The following SHROOM3 variants were observed in gnomAD, a reference collection of about 807,000 sequenced individuals.
The protein encoded by SHROOM3 is shroom family member 3, also known as protein Shroom3.
In SHROOM3, 47 loss-of-function variants were observed where a neutral mutation model predicts 138.6. That is an observed-to-expected ratio of 0.34 (90% confidence interval 0.27 to 0.43). SHROOM3 has a LOEUF of 0.43. Among genes scored for constraint, SHROOM3 ranks in the 20% least tolerant of loss-of-function variants. SHROOM3 has a pLI of 1.00. For synonymous variants in SHROOM3, 1,062 were observed against 1,063.3 expected (o/e 1.00, Z 0.02); for missense variants, 2,491 against 2,596.5 (o/e 0.96, Z 0.88).
In SHROOM3 at chr4:76,613,088, G is replaced by C. The variant is rs564936896; in HGVS notation, c.323+57325G>C. Reference sequence around the variant, plus strand: ...GTTATAAAAACAAAACAAAACAGAGGCAGAAGGGAGAATTCCCAGCATAAC... The same window carrying C: ...GTTATAAAAACAAAACAAAACAGAGCCAGAAGGGAGAATTCCCAGCATAAC... On this transcript the variant is annotated intron_variant, in intron 2 of 10. Transcript: ENST00000296043. Among the ~76,000 whole-genome samples the C allele has an allele frequency of 3.9e-5, 6 of 152,264 alleles. No individual in the cohort carries two copies. In the East Asian group the frequency reaches 1.2e-3, roughly 29 times the overall value.
Position 76,586,142 on chromosome 4 carries a change from A to G in SHROOM3, c.323+30379A>G, listed in dbSNP as rs548887078. ...TCTGGCCGAGTGGACTTCCCCTTAC[A>G]TCAGCGGGCCAGCTCCTGTCAGGCA... On this transcript the variant is annotated intron_variant, in intron 2 of 10. Transcript: ENST00000296043. 22 of 609,442 alleles carry G rather than the reference A, an allele frequency of 3.6e-5. No individual in the cohort carries two copies. The African/African-American group carries it at 4.2e-4, about 12-fold the overall frequency. 37.8% of individuals were successfully genotyped at this position (609,442 alleles called of 1,614,324 possible).
intron 1 of SHROOM3, among the ~76,000 whole-genome samples, chr4:76,517,190 T>C (rs529315689): frequency 6.6e-6 from 1 of 152,330 alleles, no homozygotes; most frequent in African/African-American, 2.4e-5. Flanking sequence ...ATGGAAAATG[T>C]CTGCCAGAGG....
chr4:76,744,881 C>A (rs890323204), intron 5 of SHROOM3, among the ~76,000 whole-genome samples: 5 of 152,174 alleles, frequency 3.3e-5, no homozygotes, highest in South Asian at 2.1e-4. Flanking sequence ...ATTAGTGAGG[C>A]CTTTCTGCCT....
intron 2 of SHROOM3, among the ~76,000 whole-genome samples, chr4:76,691,069 A>G (rs1719519969): frequency 6.6e-6 from 1 of 152,206 alleles, no homozygotes; most frequent in South Asian, 2.1e-4. Flanking sequence ...TTGTAAATAC[A>G]TCTCTCTACC....
chr4:76,687,325 A>C (rs1719371282), intron 2 of SHROOM3, among the ~76,000 whole-genome samples: 1 of 152,234 alleles, frequency 6.6e-6, no homozygotes, highest in Non-Finnish European at 1.5e-5. Flanking sequence ...AAAAAGTAAA[A>C]TGCTTTCGAT....
chr4:76,513,471 G>A (rs574882813), intron 1 of SHROOM3, among the ~76,000 whole-genome samples: 2 of 152,120 alleles, frequency 1.3e-5, no homozygotes, highest in South Asian at 2.1e-4. Context: ...CTGCCACCAC[G>A]CCCAGCTAAT....
chr4:76,598,928 T>C (rs985136490), intron 2 of SHROOM3, among the ~76,000 whole-genome samples: 3 of 152,020 alleles, frequency 2.0e-5, no homozygotes, highest in Non-Finnish European at 4.4e-5. Flanking sequence ...GAAAAGAAAC[T>C]AGTGAGAAAA....
intron 5 of SHROOM3, among the ~76,000 whole-genome samples, chr4:76,743,826 C>T (rs1245602408): frequency 1.3e-5 from 2 of 152,182 alleles, no homozygotes; most frequent in African/African-American, 2.4e-5. Context: ...GAGCTAATTC[C>T]CACTCCCTAT....
At chr4:76,647,974 T>C (rs952899343) in intron 2 of SHROOM3, among the ~76,000 whole-genome samples, 1 of 152,118 alleles carries the variant, frequency 6.6e-6, no homozygotes, top group African/African-American at 2.4e-5. Flanking sequence ...CTTTCTTACA[T>C]ATCAGTTTTT....
chr4:76,612,572 T>C (rs907284435), intron 2 of SHROOM3, among the ~76,000 whole-genome samples: 1 of 152,184 alleles, frequency 6.6e-6, no homozygotes, highest in African/African-American at 2.4e-5. Context: ...ATTATTAAAC[T>C]TTCTATACTG....
chr4:76,522,596 C>T (rs1243008367), intron 1 of SHROOM3, among the ~76,000 whole-genome samples: 2 of 152,132 alleles, frequency 1.3e-5, no homozygotes, highest in East Asian at 3.9e-4. Context: ...GAGTTCAAGA[C>T]CAGCCTGGCC....
chr4:76,483,450 C>T (rs1348556446), intron 1 of SHROOM3, among the ~76,000 whole-genome samples: 7 of 152,140 alleles, frequency 4.6e-5, no homozygotes, highest in African/African-American at 1.7e-4. Context: ...CAATGAGATA[C>T]CGTGTCATGC....
rs1221562009 is a variant in SHROOM3, at chr4:76,740,220, G to A, written c.2047G>A (p.Gly683Arg). The change falls in exon 5 of 11, where the codon GGA becomes AGA. Residue 683 changes from glycine (G) to arginine (R), a missense_variant. By Grantham distance (125) the Gly-to-Arg change is moderately radical (BLOSUM62 -2). Coordinates refer to ENST00000296043, the MANE Select transcript of SHROOM3 (RefSeq NM_020859.4). This position sits in a 1 kb window ranked among gnomAD's most constrained non-coding sequence, Gnocchi z 4.0. The part of the protein sequence containing the change: ...RRHSSLELGR[G>R]TQEGYPGGRP... ...ACACAGCAGCCTGGAGCTAGGCCGG[G>A]GAACCCAGGAGGGTTACCCCGGGGG... 3 of 1,613,402 alleles carry A rather than the reference G, an allele frequency of 1.9e-6. No homozygotes were observed. Among genetic ancestry groups the A allele is most frequent in the Non-Finnish European group, 2.5e-6 (3 of 1,180,054 alleles).
At chr4:76,546,743 C>T (rs945439015) in intron 1 of SHROOM3, among the ~76,000 whole-genome samples, 1 of 152,304 alleles carries the variant, frequency 6.6e-6, no homozygotes, top group Admixed American at 6.5e-5. Flanking sequence ...TTTCCTCAAA[C>T]CGCCAACTTC....
chr4:76,739,705 T>C lies in SHROOM3; in HGVS notation c.1532T>C (p.Met511Thr), dbSNP rs748852718. 38 of 1,614,056 alleles carry C rather than the reference T, an allele frequency of 2.4e-5. No individual in the cohort carries two copies. Among genetic ancestry groups the C allele is most frequent in the Middle Eastern group, 1.6e-4 (1 of 6,084 alleles). ...YIAPQGACNK[M>T]ATIDENGNQN... ...GCCCCTCAGGGAGCATGCAACAAGA[T>C]GGCTACCATTGATGAGAATGGGAAC... The change falls in exon 5 of 11, where the codon ATG becomes ACG. Residue 511 changes from methionine to threonine, a missense_variant. Physicochemically the swap from Met to Thr is moderately conservative, Grantham distance 81 (BLOSUM62 -1). Around this residue, in one of 4 missense-constraint regions of SHROOM3, gnomAD observed 1,733 missense variants for 1,661.6 expected, o/e 1.04. Coordinates refer to ENST00000296043, the MANE Select transcript of SHROOM3 (RefSeq NM_020859.4).
chr4:76,735,852 AAAAAAAAAAAAAAAAAATATATAT>A (rs1721030110), intron 4 of SHROOM3, among the ~76,000 whole-genome samples: 1 of 56,618 alleles, frequency 1.8e-5, no homozygotes, highest in African/African-American at 5.9e-5. Context: ...AAAAAAAAAA[AAAAAAAAAAAAAAAAAATATATAT>A]ATATATATAT....
chr4:76,654,322 G>C (rs190187249), intron 2 of SHROOM3, among the ~76,000 whole-genome samples: 1 of 152,190 alleles, frequency 6.6e-6, no homozygotes, highest in Non-Finnish European at 1.5e-5. Flanking sequence ...CTGAGAGTTT[G>C]TACTTTATTC....
At chr4:76,505,461 C>T (rs1732189238) in intron 1 of SHROOM3, among the ~76,000 whole-genome samples, 1 of 152,140 alleles carries the variant, frequency 6.6e-6, no homozygotes, top group East Asian at 1.9e-4. Flanking sequence ...CATGGCTGTA[C>T]CCTTACTTTA....
At chr4:76,644,688 A>G (rs2110084159) in intron 2 of SHROOM3, among the ~76,000 whole-genome samples, 1 of 152,316 alleles carries the variant, frequency 6.6e-6, no homozygotes, top group Admixed American at 6.5e-5. Context: ...GTAATTAGCA[A>G]GGATATACAC....
Sources: gnomAD v4.1 joint callset for allele counts (sites outside exome capture counted in the v4.1 genomes callset) on GRCh38, gnomAD v4.1.1 for gene constraint, gnomAD v4.1.1 regional missense constraint, Gnocchi (gnomAD v3.1) non-coding constraint, MANE v1.5 for transcripts, NCBI Gene and HGNC (gene_info 2026-07-23, HGNC 2026-07-21) for gene names.